Variants in MAP7D2 observed in about 807,000 individuals in gnomAD.
MAP7D2 encodes MAP7 domain containing 2.
A neutral mutation model predicts 63.5 loss-of-function variants in MAP7D2; 33 were observed. That is an observed-to-expected ratio of 0.52 (90% confidence interval 0.39 to 0.70). The LOEUF is 0.70. Among genes scored for constraint, MAP7D2 ranks in the 30% least tolerant of loss-of-function variants. The pLI, the probability that MAP7D2 is intolerant of heterozygous loss-of-function variation, is 0.00. For synonymous variants in MAP7D2, 224 were observed against 223.7 expected, an observed-to-expected ratio of 1.00 and a Z score of -0.01; for missense variants, 626 against 604.0, an observed-to-expected ratio of 1.04 and a Z score of -0.38.
intron 1 of MAP7D2, among the ~76,000 whole-genome samples, chrX:20,099,173 C>A: frequency 8.9e-6 from 1 of 111,739 alleles, no homozygotes. Context: ...AAATACCAAC[C>A]AGCCAGGTTT....
At chrX:20,085,765 G>T (rs748709309) in intron 1 of MAP7D2, among the ~76,000 whole-genome samples, 101 of 112,237 alleles carry the variant, frequency 9.0e-4, no homozygotes, top group African/African-American at 2.9e-3. Context: ...AGGATGGAGT[G>T]CAGTGGTGCA....
chrX:20,054,817 A>G (rs1328003290), intron 4 of MAP7D2, among the ~76,000 whole-genome samples: 1 of 111,437 alleles, frequency 9.0e-6, no homozygotes, highest in Admixed American at 9.5e-5. Context: ...ACTGACATCA[A>G]GCAATCCGCC....
intron 16 of MAP7D2, among the ~76,000 whole-genome samples, 200 bp downstream of exon 16, chrX:20,010,577 C>T (rs763424715): frequency 1.8e-5 from 2 of 112,143 alleles, no homozygotes; most frequent in East Asian, 5.6e-4. Context: ...TAGGACAAGG[C>T]GGCTCGGCGC....
At chrX:20,025,557 C>T (rs760503385) in intron 9 of MAP7D2, 124 bp downstream of exon 9, 19 of 865,870 alleles carry the variant, frequency 2.2e-5, no homozygotes, top group East Asian at 9.4e-5. Context: ...GAAAGCTGCA[C>T]GAGGGGATGC....
At chrX:20,054,683 G>A (rs2065029420) in intron 4 of MAP7D2, among the ~76,000 whole-genome samples, 1 of 111,064 alleles carries the variant, frequency 9.0e-6, no homozygotes, top group Non-Finnish European at 1.9e-5. Flanking sequence ...CCGGGTTCAA[G>A]CAATTCTCTT....
At chrX:20,010,377 T>C (rs1289944405) in intron 16 of MAP7D2, among the ~76,000 whole-genome samples, 1 of 112,060 alleles carries the variant, frequency 8.9e-6, no homozygotes, top group Non-Finnish European at 1.9e-5. Flanking sequence ...ATATGAATGA[T>C]TCTAGATAGA....
rs183973916 is a variant in MAP7D2 at position 20,015,884 on chromosome X, C to T, written c.1644+210G>A. Among the ~76,000 whole-genome samples the T allele has an allele frequency of 3.7e-3, 412 of 112,093 alleles. 2 individuals carry two copies. The highest frequency in any genetic ancestry group is 0.012 in the African/African-American group (384 of 30,841). On this transcript the variant is annotated intron_variant, in intron 11 of 16. Transcript: ENST00000379643. ...ACTGCTGGCACTCAAATTCTTAGCC[C>T]AGGGTTTGCCTTTGGGGAAACCCTA...
intron 10 of MAP7D2, among the ~76,000 whole-genome samples, chrX:20,020,424 G>T (rs2073594157): frequency 9.0e-6 from 1 of 111,580 alleles, no homozygotes; most frequent in Admixed American, 9.5e-5. Flanking sequence ...TCTTCAGGCT[G>T]CTTTGTCTCT....
At chrX:20,097,863 C>G (rs1166019680) in intron 1 of MAP7D2, among the ~76,000 whole-genome samples, 1 of 111,012 alleles carries the variant, frequency 9.0e-6, no homozygotes, top group South Asian at 3.9e-4. Context: ...CAGCTCTCAG[C>G]CAGAATGAAC....
intron 8 of MAP7D2, among the ~76,000 whole-genome samples, chrX:20,030,611 G>C (rs182950808): frequency 2.7e-5 from 3 of 111,461 alleles, no homozygotes; most frequent in African/African-American, 9.8e-5. Context: ...TCCAATCTTG[G>C]AATCTAGTTC....
intron 10 of MAP7D2, among the ~76,000 whole-genome samples, chrX:20,020,104 T>C (rs763832610): frequency 1.8e-5 from 2 of 112,083 alleles, no homozygotes; most frequent in East Asian, 5.6e-4. Flanking sequence ...TGAGGCCACC[T>C]GATCTGAGCT....
chrX:20,068,188 T>C (rs1010267374), intron 1 of MAP7D2, among the ~76,000 whole-genome samples: 3 of 112,351 alleles, frequency 2.7e-5, no homozygotes, highest in Non-Finnish European at 5.6e-5. Flanking sequence ...GAGCTATACA[T>C]GGCTATTTAA....
At chrX:20,049,614 A>G (rs929578396) in intron 6 of MAP7D2, among the ~76,000 whole-genome samples, 2 of 111,674 alleles carry the variant, frequency 1.8e-5, no homozygotes, top group East Asian at 2.8e-4. Flanking sequence ...CTTTATGGGT[A>G]TATCATATTT....
At chrX:20,073,980 G>C (rs1188501516) in intron 1 of MAP7D2, among the ~76,000 whole-genome samples, 9 of 107,505 alleles carry the variant, frequency 8.4e-5, no homozygotes, top group East Asian at 3.0e-4. Flanking sequence ...ACTAAAAATA[G>C]AAAAATTAGC....
intron 1 of MAP7D2, among the ~76,000 whole-genome samples, chrX:20,073,403 T>C (rs922520221): frequency 9.0e-6 from 1 of 111,568 alleles, no homozygotes; most frequent in African/African-American, 3.3e-5. Flanking sequence ...AAACTGCCAA[T>C]AAATGATAAA....
chrX:20,087,618 A>T, intron 1 of MAP7D2, among the ~76,000 whole-genome samples: 1 of 112,224 alleles, frequency 8.9e-6, no homozygotes, highest in Non-Finnish European at 1.9e-5. Flanking sequence ...CTTCTAATTC[A>T]TTTAAGGAAA....
intron 1 of MAP7D2, 134 bp downstream of exon 1, chrX:20,116,616 G>T: frequency 1.0e-6 from 1 of 998,738 alleles, no homozygotes; most frequent in Non-Finnish European, 1.3e-6. Context: ...CTGGGCCAGG[G>T]AAAGGGCGTT....
chrX:20,095,521 A>T (rs1219892086), intron 1 of MAP7D2, among the ~76,000 whole-genome samples: 1 of 111,479 alleles, frequency 9.0e-6, no homozygotes, highest in Non-Finnish European at 1.9e-5. Flanking sequence ...CCTGGGGAAC[A>T]GAGCAAGACC....
chrX:20,016,090 G>A lies in MAP7D2; in HGVS notation c.1644+4C>T. 8.3e-7 allele frequency: 1 copy of A among 1,207,085 alleles called. No homozygotes were observed. The highest frequency in any genetic ancestry group is 1.1e-6 in the Non-Finnish European group (1 of 891,345). Reference sequence around the variant, plus strand: ...TAAAGTCCATCTGAGGACTCATACAGTACCTGCTTTTCAATCATGGCTTTC... The same window carrying A: ...TAAAGTCCATCTGAGGACTCATACAATACCTGCTTTTCAATCATGGCTTTC... On this transcript the variant is annotated splice_donor_region_variant and intron_variant, in intron 11 of 16. Transcript: ENST00000379643.
Sources: allele counts gnomAD v4.1 joint callset (sites outside exome capture counted in the v4.1 genomes callset), GRCh38; gene constraint gnomAD v4.1.1; transcripts MANE v1.5; gene names NCBI Gene and HGNC (gene_info 2026-07-23, HGNC 2026-07-21).